The following APOL6 variants were observed in gnomAD, a reference collection of about 807,000 sequenced individuals.
The protein encoded by APOL6 is apolipoprotein L, 6.
A neutral mutation model predicts 2.4 loss-of-function variants in APOL6; 1 was observed. The ratio of observed to expected loss-of-function variants is 0.41; its 90% confidence interval spans 0.15 to 1.94. The LOEUF is 1.94. Among genes scored for constraint, APOL6 ranks in the 30% most tolerant of loss-of-function variants. The probability of loss-of-function intolerance (pLI) is 0.30; values close to 1 mark genes in which losing one functional copy is unlikely to be tolerated. For synonymous variants in APOL6, 189 were observed against 169.3 expected, an observed-to-expected ratio of 1.12 and a Z score of -0.90; for missense variants, 438 against 429.2, an observed-to-expected ratio of 1.02 and a Z score of -0.18.
At position 35,659,646 on chromosome 22, in the gene APOL6, C is replaced by A; in HGVS notation, c.*50C>A. 1 of 1,511,218 alleles carries A rather than the reference C, an allele frequency of 6.6e-7. No homozygotes were observed. The highest frequency in any genetic ancestry group is 8.9e-7 in the Non-Finnish European group (1 of 1,127,700). The allele number at this position is 1,511,218 out of a possible 1,614,324, so 93.6% of individuals were successfully genotyped here. A position where few individuals can be genotyped will look rare whatever the true frequency, so the allele number is the denominator to read the frequency against. Reference sequence around the variant, plus strand: ...ATGGCCTTGGAGGTCCAAATAATATCAAGTACATCTTGGAGATGAGGGTGC... The same window carrying A: ...ATGGCCTTGGAGGTCCAAATAATATAAAGTACATCTTGGAGATGAGGGTGC... On this transcript the variant is annotated 3_prime_UTR_variant, in exon 3 of 3. Transcript: ENST00000409652.
intron 1 of APOL6, among the ~76,000 whole-genome samples, chr22:35,654,897 G>T (rs977171503): frequency 2.0e-5 from 3 of 152,052 alleles, no homozygotes; most frequent in African/African-American, 7.2e-5. Context: ...AATTTACAAA[G>T]GTCTTTCTAT....
rs1163218198 is a variant in APOL6 at position 35,660,884 on chromosome 22, C to T, written c.*1288C>T. On this transcript the variant is annotated 3_prime_UTR_variant, in exon 3 of 3. Transcript: ENST00000409652. ...GGTAGAAGGAACTTCCTTTCTAGAC[C>T]TTGAAGGTTTAAGAATTTGAATCTA... The T allele has an allele frequency of 6.6e-6, 1 of 152,234 alleles. No homozygotes were observed. The highest frequency in any genetic ancestry group is 1.5e-5 in the Non-Finnish European group (1 of 68,050). 9.4% of individuals were successfully genotyped at this position (152,234 alleles called of 1,614,324 possible).
intron 1 of APOL6, among the ~76,000 whole-genome samples, chr22:35,650,118 G>A (rs188918886): frequency 1.1e-4 from 17 of 152,110 alleles, no homozygotes; most frequent in Non-Finnish European, 1.3e-4. Flanking sequence ...TCTTAGCACC[G>A]ATCTCACTGG....
rs1346964811 is a variant in APOL6 at position 35,656,385 on chromosome 22, A to G, written c.-41A>G. On this transcript the variant is annotated 5_prime_UTR_variant, in exon 2 of 3. Coordinates refer to ENST00000409652, the MANE Select transcript of APOL6 (RefSeq NM_030641.4). The stretch of plus-strand genomic sequence containing the variant: ...TTTCTACATTCCTGACCAGAAAATC[A>G]TTTGACTCCTGGGGACACAGATTTG... 2 of 1,613,244 alleles carry G rather than the reference A, an allele frequency of 1.2e-6. No homozygotes were observed. Among genetic ancestry groups the G allele is most frequent in the Non-Finnish European group, 1.7e-6 (2 of 1,179,210 alleles).
chr22:35,659,247 C>T lies in APOL6; in HGVS notation c.683C>T (p.Ala228Val), dbSNP rs200520869. The change falls in exon 3 of 3, where the codon GCG becomes GTG. Residue 228 changes from alanine to valine, a missense_variant. Ala to Val is a moderately conservative substitution (Grantham distance 64). Transcript: ENST00000409652. The part of the protein sequence containing the change: ...VQKAFAGTTL[A>V]MTKNARVLGG... Reference sequence around the variant, plus strand: ...AAGGCCTTTGCGGGAACAACACTGGCGATGACCAAAAATGCTCGCGTGCTG... The same window carrying T: ...AAGGCCTTTGCGGGAACAACACTGGTGATGACCAAAAATGCTCGCGTGCTG... 230 of 1,614,012 alleles carry T rather than the reference C, an allele frequency of 1.4e-4. No individual in the cohort carries two copies. The highest frequency in any genetic ancestry group is 1.4e-4 in the Non-Finnish European group (160 of 1,180,010).
intron 1 of APOL6, among the ~76,000 whole-genome samples, chr22:35,650,865 G>T (rs1171128891): frequency 1.3e-5 from 2 of 151,974 alleles, no homozygotes; most frequent in Admixed American, 6.6e-5. Context: ...GGGAGGTGGA[G>T]GTTGCAGTGA....
In APOL6 at chr22:35,659,036, G is replaced by C; in HGVS notation, c.472G>C (p.Glu158Gln). 1 of 1,613,954 alleles carries C rather than the reference G, an allele frequency of 6.2e-7. No individual in the cohort carries two copies. The highest frequency in any genetic ancestry group is 8.5e-7 in the Non-Finnish European group (1 of 1,180,036). ...TYDQEDREDE[E>Q]EKADYVTAAG... is the part of the protein sequence containing the mutation. Reference sequence around the variant, plus strand: ...CGACCAAGAGGACAGGGAGGATGAGGAAGAGAAGGCAGACTATGTCACAGC... The same window carrying C: ...CGACCAAGAGGACAGGGAGGATGAGCAAGAGAAGGCAGACTATGTCACAGC... Residue 158 changes from glutamate (E) to glutamine (Q), a missense_variant, in exon 3 of 3, where the codon GAA becomes CAA. Glu to Gln is a conservative substitution (Grantham distance 29). Coordinates refer to ENST00000409652, the MANE Select transcript of APOL6 (RefSeq NM_030641.4).
rs181211939 is a variant in APOL6 at position 35,656,718 on chromosome 22, A to G, written c.50+243A>G. On this transcript the variant is annotated intron_variant, in intron 2 of 2. Coordinates refer to ENST00000409652, the MANE Select transcript of APOL6 (RefSeq NM_030641.4). ...AGTCAGGCGCATGGCTTTGGGCAAT[A>G]GGACTCCAAAGACAAAAATTGCTCC... Among the ~76,000 whole-genome samples the G allele has an allele frequency of 5.8e-4, 89 of 152,326 alleles. 1 individual carries two copies. The East Asian group carries it at 0.013, about 23-fold the overall frequency.
At chr22:35,652,245 G>T (rs938364062) in intron 1 of APOL6, among the ~76,000 whole-genome samples, 11 of 133,608 alleles carry the variant, frequency 8.2e-5, no homozygotes, top group Non-Finnish European at 1.7e-4. Context: ...TGATGGAGTT[G>T]TTTGTTTTTT....
chr22:35,667,011 A>G lies in APOL6; in HGVS notation c.*7415A>G, dbSNP rs1484466144. On this transcript the variant is annotated 3_prime_UTR_variant, in exon 3 of 3. Coordinates refer to ENST00000409652, the MANE Select transcript of APOL6 (RefSeq NM_030641.4). ...AGAATCTGTTCTAATTTGTAACAGG[A>G]CACGATTGGAGAAATTGGTTGTTTT... is the stretch of plus-strand genomic sequence containing the variant. 1.3e-5 allele frequency: 2 copies of G among 152,242 alleles called. No homozygotes were observed. Among genetic ancestry groups the G allele is most frequent in the African/African-American group, 4.8e-5 (2 of 41,466 alleles). 9.4% of individuals were successfully genotyped at this position (152,242 alleles called of 1,614,324 possible). A position where few individuals can be genotyped will look rare whatever the true frequency, so the allele number is the denominator to read the frequency against.
At position 35,659,622 on chromosome 22, in the gene APOL6, T is replaced by C. The variant is rs776171727; in HGVS notation, c.*26T>C. On this transcript the variant is annotated 3_prime_UTR_variant, in exon 3 of 3. Transcript: ENST00000409652. ...ATGTTCCTCAGGACATGGCATACAATGGCCTTGGAGGTCCAAATAATATCA... is the reference window on the plus strand; with the variant it reads ...ATGTTCCTCAGGACATGGCATACAACGGCCTTGGAGGTCCAAATAATATCA... 9.6e-6 allele frequency: 15 copies of C among 1,558,476 alleles called. No homozygotes were observed. Among genetic ancestry groups the C allele is most frequent in the African/African-American group, 1.4e-5 (1 of 73,658 alleles).
rs746303294 is a variant in APOL6, at chr22:35,656,472, A to C, written c.47A>C (p.Gln16Pro). Residue 16 changes from glutamine (Q) to proline (P), a missense_variant, in exon 2 of 3, where the codon CAA becomes CCA. By Grantham distance (76) the Gln-to-Pro change is moderately conservative. Transcript: ENST00000409652. The stretch of plus-strand genomic sequence containing the variant: ...GAAAGTGAGGCTGGTGTTGGTTTGC[A>C]AAGGTAATCCAAAGGGTGTAGTCCC... ...ERESEAGVGL[Q>P]RDEDDAPLCE... The C allele has an allele frequency of 5.6e-6, 9 of 1,613,998 alleles. No homozygotes were observed. The East Asian group carries it at 1.1e-4, about 20-fold the overall frequency.
At chr22:35,656,268 T>C (rs1488878643) in intron 1 of APOL6, 111 bp from the exon 2 acceptor site, 1 of 774,672 alleles carries the variant, frequency 1.3e-6, no homozygotes, top group African/African-American at 1.7e-5. Flanking sequence ...ATATTTAGTA[T>C]GCTATGTGGT....
At chr22:35,650,883 T>G (rs1924669452) in intron 1 of APOL6, among the ~76,000 whole-genome samples, 1 of 151,212 alleles carries the variant, frequency 6.6e-6, no homozygotes, top group Non-Finnish European at 1.5e-5. Context: ...TGAGCCAAGA[T>G]CATGCCATTG....
At chr22:35,654,788 C>A (rs1297417502) in intron 1 of APOL6, among the ~76,000 whole-genome samples, 1 of 152,022 alleles carries the variant, frequency 6.6e-6, no homozygotes, top group Non-Finnish European at 1.5e-5. Flanking sequence ...CCCAGATATG[C>A]CTCTTTGGCA....
chr22:35,656,056 G>A (rs1569134250), intron 1 of APOL6, among the ~76,000 whole-genome samples: 1 of 152,106 alleles, frequency 6.6e-6, no homozygotes, highest in Non-Finnish European at 1.5e-5. Context: ...GAGGGAGGGT[G>A]GAGAACTTTT....
chr22:35,655,355 GA>G (rs1924817147), intron 1 of APOL6, among the ~76,000 whole-genome samples: 1 of 152,114 alleles, frequency 6.6e-6, no homozygotes, highest in Admixed American at 6.5e-5. Flanking sequence ...TCAAGATGGA[GA>G]AAAGGAGATT....
At chr22:35,656,888 A>G (rs1424873771) in intron 2 of APOL6, among the ~76,000 whole-genome samples, 2 of 152,198 alleles carry the variant, frequency 1.3e-5, no homozygotes, top group African/African-American at 4.8e-5. Context: ...ACGTAGCACC[A>G]CCGGCCCCCT....
At position 35,666,188 on chromosome 22, in the gene APOL6, T is replaced by C. The variant is rs1262557695; in HGVS notation, c.*6592T>C. ...GTGCCACAGAGGTAAAAAATTTCCTTGTCAGTTTTGTCTTTTGACTATGGC... is the reference window on the plus strand; with the variant it reads ...GTGCCACAGAGGTAAAAAATTTCCTCGTCAGTTTTGTCTTTTGACTATGGC... On this transcript the variant is annotated 3_prime_UTR_variant, in exon 3 of 3. Coordinates refer to ENST00000409652, the MANE Select transcript of APOL6 (RefSeq NM_030641.4). 6.6e-6 allele frequency: 1 copy of C among 152,244 alleles called. No individual in the cohort carries two copies. Among genetic ancestry groups the C allele is most frequent in the African/African-American group, 2.4e-5 (1 of 41,474 alleles). 9.4% of individuals were successfully genotyped at this position (152,244 alleles called of 1,614,324 possible). A position where few individuals can be genotyped will look rare whatever the true frequency, so the allele number is the denominator to read the frequency against.
Sources: allele counts gnomAD v4.1 joint callset (sites outside exome capture counted in the v4.1 genomes callset), GRCh38; gene constraint gnomAD v4.1.1; transcripts MANE v1.5; gene names NCBI Gene and HGNC (gene_info 2026-07-23, HGNC 2026-07-21).